EXOC5: variants seen among roughly 807,000 people sequenced by gnomAD.
The protein encoded by EXOC5 is SEC10-like 1.
In EXOC5, 17 loss-of-function variants were observed where a neutral mutation model predicts 90.8. The observed-to-expected ratio is 0.19, with a 90% confidence interval of 0.13 to 0.28. The LOEUF is 0.28. EXOC5 is among the 10% of genes least tolerant of loss of function. EXOC5 has a pLI of 1.00. For synonymous variants in EXOC5, 260 were observed against 270.0 expected (o/e 0.96, Z 0.36); for missense variants, 569 against 830.6 (o/e 0.69, Z 3.87).
At chr14:57,226,253 A>T (rs537943807) in intron 12 of EXOC5, among the ~76,000 whole-genome samples, 6 of 152,298 alleles carry the variant, frequency 3.9e-5, no homozygotes, top group East Asian at 3.9e-4. Flanking sequence ...TGCCTGATGC[A>T]TTTCCCAACT....
chr14:57,210,714 G>A (rs1182776047), intron 15 of EXOC5, among the ~76,000 whole-genome samples: 1 of 152,054 alleles, frequency 6.6e-6, no homozygotes, highest in Non-Finnish European at 1.5e-5. Context: ...CTACCAATAA[G>A]CAATCATTTT....
intron 1 of EXOC5, among the ~76,000 whole-genome samples, chr14:57,257,156 A>G (rs1214399180): frequency 6.6e-6 from 1 of 152,090 alleles, no homozygotes; most frequent in Admixed American, 6.6e-5. Context: ...GATAGACTGG[A>G]TATGTGGAGA....
At chr14:57,234,633 T>C (rs1237265540) in intron 7 of EXOC5, among the ~76,000 whole-genome samples, 2 of 151,156 alleles carry the variant, frequency 1.3e-5, no homozygotes, top group African/African-American at 4.9e-5. Context: ...TGGTGTCATC[T>C]TGGCTAACTA....
At chr14:57,235,118 A>G (rs747440291) in intron 7 of EXOC5, among the ~76,000 whole-genome samples, 2 of 152,174 alleles carry the variant, frequency 1.3e-5, no homozygotes, top group Non-Finnish European at 2.9e-5. Context: ...CCAAAATGAA[A>G]AGTCCAACAA....
intron 7 of EXOC5, among the ~76,000 whole-genome samples, chr14:57,235,279 T>G (rs2139640652): frequency 6.6e-6 from 1 of 152,262 alleles, no homozygotes; most frequent in South Asian, 2.1e-4. Context: ...TAATACAAAA[T>G]TCTTTTGTAT....
chr14:57,262,745 G>GTATATATATACGTATATATATA (rs1884552649), intron 1 of EXOC5, among the ~76,000 whole-genome samples: 1 of 147,036 alleles, frequency 6.8e-6, no homozygotes, highest in Non-Finnish European at 1.5e-5. Flanking sequence ...ATATATGTGT[G>GTATATATATACGTATATATATA]TGTGTATATA....
chr14:57,247,775 A>G (rs1452258202), intron 1 of EXOC5, 63 bp from the exon 2 acceptor site: 5 of 750,820 alleles, frequency 6.7e-6, no homozygotes, highest in South Asian at 2.3e-5. Flanking sequence ...ATTACTTATA[A>G]AATTAAAACA....
At chr14:57,214,540 T>G (rs1291431217) in intron 15 of EXOC5, among the ~76,000 whole-genome samples, 1 of 151,928 alleles carries the variant, frequency 6.6e-6, no homozygotes, top group Non-Finnish European at 1.5e-5. Context: ...CAACACTGAG[T>G]CTCACAGTAC....
chr14:57,218,028 C>A lies in EXOC5; in HGVS notation c.1567G>T (p.Glu523Ter). Reference sequence around the variant, plus strand: ...TTCATCTCCATTTGTTCAATTATTTCTTTTTTCTTCTGAAGGCATTCAGAT... The same window carrying A: ...TTCATCTCCATTTGTTCAATTATTTATTTTTTCTTCTGAAGGCATTCAGAT... ...KLSECLQKKK[E>*]IIEQMEMKLD... Residue 523 changes from glutamate (E) to a stop codon, truncating the protein, a stop_gained, in exon 15 of 18, where the codon GAA becomes TAA. Coordinates refer to ENST00000621441, the MANE Select transcript of EXOC5 (RefSeq NM_006544.4). LOFTEE classifies it high-confidence loss of function. 1.3e-6 allele frequency: 2 copies of A among 1,573,220 alleles called. No homozygotes were observed. Among genetic ancestry groups the A allele is most frequent in the Non-Finnish European group, 1.7e-6 (2 of 1,144,976 alleles).
At chr14:57,268,535 G>A (rs1028269129) in intron 1 of EXOC5, 87 bp downstream of exon 1, 35 of 1,540,758 alleles carry the variant, frequency 2.3e-5, no homozygotes, top group African/African-American at 4.1e-5. Context: ...CTCCTGGGCA[G>A]CCAGCAAACG....
Position 57,247,710 on chromosome 14 carries a change from C to A in EXOC5, c.30G>T (p.Glu10Asp). ...CAATATATTCATCTGCCACAAAAGG[C>A]TCCTAGTTTACAAAAAAATACGCTT... is the stretch of plus-strand genomic sequence containing the variant. MATTAELFE[E>D]PFVADEYIER... Residue 10 changes from glutamate to aspartate, a missense_variant and splice_region_variant, in exon 2 of 18, where the codon GAG becomes GAT. Physicochemically the swap from Glu to Asp is conservative, Grantham distance 45. This residue lies in a region of EXOC5 where 22 missense variants were observed against 16.6 expected (regional missense o/e 1.33). Coordinates refer to ENST00000621441, the MANE Select transcript of EXOC5 (RefSeq NM_006544.4). 2.6e-6 allele frequency: 4 copies of A among 1,525,136 alleles called. No individual in the cohort carries two copies. Among genetic ancestry groups the A allele is most frequent in the Non-Finnish European group, 3.5e-6 (4 of 1,128,562 alleles). 94.5% of individuals were successfully genotyped at this position (1,525,136 alleles called of 1,614,324 possible).
At chr14:57,210,528 T>C (rs1159437461) in intron 15 of EXOC5, among the ~76,000 whole-genome samples, 1 of 152,204 alleles carries the variant, frequency 6.6e-6, no homozygotes. Flanking sequence ...ATGTTTCATA[T>C]ATATCTTATA....
chr14:57,256,238 G>A (rs898310317), intron 1 of EXOC5, among the ~76,000 whole-genome samples: 29 of 152,174 alleles, frequency 1.9e-4, no homozygotes, highest in African/African-American at 6.8e-4. Flanking sequence ...GCAGAGAGCA[G>A]TATGTTTGGC....
intron 1 of EXOC5, among the ~76,000 whole-genome samples, chr14:57,267,395 C>CA (rs1384306931): frequency 6.6e-6 from 1 of 152,072 alleles, no homozygotes; most frequent in Non-Finnish European, 1.5e-5. Context: ...GACTGATATG[C>CA]AAAATATAGT....
At chr14:57,255,368 C>T (rs1421016171) in intron 1 of EXOC5, among the ~76,000 whole-genome samples, 2 of 152,124 alleles carry the variant, frequency 1.3e-5, no homozygotes, top group African/African-American at 2.4e-5. Context: ...TTTGCCTTTC[C>T]TCAGAGGCAG....
Position 57,237,359 on chromosome 14 carries a change from C to T in EXOC5, c.538G>A (p.Glu180Lys). The T allele has an allele frequency of 6.6e-7, 1 of 1,519,846 alleles. No homozygotes were observed. The highest frequency in any genetic ancestry group is 1.2e-5 in the South Asian group (1 of 82,744). The allele number at this position is 1,519,846 out of a possible 1,614,324, so 94.1% of individuals were successfully genotyped here. A position where few individuals can be genotyped will look rare whatever the true frequency, so the allele number is the denominator to read the frequency against. The change falls in exon 6 of 18, where the codon GAA (glutamate) becomes AAA (lysine). Residue 180 changes from glutamate to lysine, a missense_variant. Glu to Lys is a moderately conservative substitution (Grantham distance 56, BLOSUM62 1). Coordinates refer to ENST00000621441, the MANE Select transcript of EXOC5 (RefSeq NM_006544.4). ...TTACTTGCAATTTTGGATTTAACTT[C>T]TGAAAATCTGAAAGACAAAAACCAA... is the stretch of plus-strand genomic sequence containing the variant. ...AQELPFDRFS[E>K]VKSKIASKYH...
At chr14:57,263,322 T>C (rs1412353724) in intron 1 of EXOC5, among the ~76,000 whole-genome samples, 1 of 151,830 alleles carries the variant, frequency 6.6e-6, no homozygotes, top group African/African-American at 2.4e-5. Context: ...AATAAAAAAT[T>C]AGCCAAGCAT....
chr14:57,208,938 C>T (rs1188235348), intron 17 of EXOC5, 141 bp from the exon 18 acceptor site: 5 of 541,542 alleles, frequency 9.2e-6, no homozygotes, highest in Non-Finnish European at 1.7e-5. Flanking sequence ...TTAAAGATCA[C>T]AATGCATTAA....
rs753403167 is a variant in EXOC5 at position 57,209,665 on chromosome 14, T to C, written c.1840A>G (p.Ile614Val). Residue 614 changes from isoleucine to valine, a missense_variant, in exon 17 of 18, where the codon ATC (isoleucine) becomes GTC (valine). By Grantham distance (29) the Ile-to-Val change is conservative (BLOSUM62 3). Around this residue, in one of 9 missense-constraint regions of EXOC5, gnomAD observed 122 missense variants for 180.0 expected, o/e 0.68. Coordinates refer to ENST00000621441, the MANE Select transcript of EXOC5 (RefSeq NM_006544.4). ...MELGVRFHRL[I>V]YEHLQQYSYS... Reference sequence around the variant, plus strand: ...GAATATTGTTGAAGATGCTCATAGATAAGTCGATGAAAACGTACTCCAAGT... The same window carrying C: ...GAATATTGTTGAAGATGCTCATAGACAAGTCGATGAAAACGTACTCCAAGT... 1.2e-6 allele frequency: 2 copies of C among 1,612,610 alleles called. No individual in the cohort carries two copies. The highest frequency in any genetic ancestry group is 1.7e-5 in the Admixed American group (1 of 59,964).
Sources: gnomAD v4.1 joint callset for allele counts (sites outside exome capture counted in the v4.1 genomes callset) on GRCh38, gnomAD v4.1.1 for gene constraint, gnomAD v4.1.1 regional missense constraint, MANE v1.5 for transcripts, NCBI Gene and HGNC (gene_info 2026-07-23, HGNC 2026-07-21) for gene names.